Variants in TNFAIP8 observed in about 807,000 individuals in gnomAD.
TNFAIP8 encodes the protein tumor necrosis factor alpha-induced protein 8.
TNFAIP8 carries 7 observed loss-of-function variants against 13.3 expected under a neutral mutation model. The ratio of observed to expected loss-of-function variants is 0.52; its 90% CI spans 0.30 to 0.99. TNFAIP8 has a LOEUF of 0.99. Among genes scored for constraint, TNFAIP8 ranks in the 50% least tolerant of loss-of-function variants. TNFAIP8 has a pLI of 0.07. For synonymous variants in TNFAIP8, 94 were observed against 87.6 expected (o/e 1.07, Z -0.41); for missense variants, 258 against 236.9 (o/e 1.09, Z -0.58).
chr5:119,281,261 G>T lies in TNFAIP8; in HGVS notation c.1+12354G>T, dbSNP rs192279763. On this transcript the variant is annotated intron_variant, in intron 1 of 1. Transcript: ENST00000274456. ...GGTTAGTATTTATAGGCCTTTCCTC[G>T]GTCAGAGCTGGGAAACACACACACA... is the stretch of plus-strand genomic sequence containing the variant. Among the ~76,000 whole-genome samples, 320 of 56,190 alleles carry T rather than the reference G, an allele frequency of 5.7e-3. 3 individuals are homozygous for T. The highest frequency in any genetic ancestry group is 0.014 in the African/African-American group (295 of 20,418). The allele number at this position is 56,190 out of a possible 152,430, so 36.9% of individuals were successfully genotyped here. A position where few individuals can be genotyped will look rare whatever the true frequency, so the allele number is the denominator to read the frequency against.
intron 1 of TNFAIP8, among the ~76,000 whole-genome samples, chr5:119,366,886 C>A (rs1264575168): frequency 6.6e-6 from 1 of 152,172 alleles, no homozygotes; most frequent in Non-Finnish European, 1.5e-5. Flanking sequence ...CCTGTCCTTG[C>A]CACCTACCTA....
At position 119,396,042 on chromosome 5, in the gene TNFAIP8, A is replaced by G. The variant is rs1753064871; in HGVS notation, c.*2661A>G. 1.3e-5 allele frequency: 2 copies of G among 152,210 alleles called. No homozygotes were observed. Among genetic ancestry groups the G allele is most frequent in the South Asian group, 4.1e-4 (2 of 4,830 alleles). The allele number at this position is 152,210 out of a possible 1,614,324, so 9.4% of individuals were successfully genotyped here. On this transcript the variant is annotated 3_prime_UTR_variant, in exon 2 of 2. Transcript: ENST00000504771. ...GCACATTAACTCATTTAATTCTGCC[A>G]CAATCTTCACCATCTTATAGATAAG...
chr5:119,289,680 A>G (rs923653952), intron 1 of TNFAIP8, among the ~76,000 whole-genome samples: 7 of 152,146 alleles, frequency 4.6e-5, no homozygotes, highest in Non-Finnish European at 1.0e-4. Context: ...TCCTGTTCCC[A>G]TCACTAATTC....
chr5:119,370,541 G>A (rs1412582336), intron 1 of TNFAIP8, among the ~76,000 whole-genome samples: 1 of 152,174 alleles, frequency 6.6e-6, no homozygotes, highest in African/African-American at 2.4e-5. Flanking sequence ...ATAAAGGCAA[G>A]CTATTAGTCA....
chr5:119,365,874 A>C (rs2112799777), intron 1 of TNFAIP8, among the ~76,000 whole-genome samples: 1 of 152,310 alleles, frequency 6.6e-6, no homozygotes, highest in African/African-American at 2.4e-5. Flanking sequence ...TCCAAGAGGT[A>C]GACAGAATTC....
intron 1 of TNFAIP8, among the ~76,000 whole-genome samples, chr5:119,366,709 G>T (rs979406335): frequency 5.3e-5 from 8 of 152,128 alleles, no homozygotes; most frequent in Non-Finnish European, 1.2e-4. Context: ...AACTTCGGGG[G>T]GTTTCCCTCA....
chr5:119,386,515 G>GTGTTTTGTTT (rs3033647), intron 1 of TNFAIP8, among the ~76,000 whole-genome samples: 2,409 of 151,044 alleles, frequency 0.016, 24 homozygotes, highest in Admixed American at 0.022. Context: ...AAAGAACCCA[G>GTGTTTTGTTT]TGTTTTGTTT....
At chr5:119,278,286 C>A (rs1015057446) in intron 1 of TNFAIP8, among the ~76,000 whole-genome samples, 2 of 150,150 alleles carry the variant, frequency 1.3e-5, no homozygotes, top group Non-Finnish European at 2.9e-5. Context: ...TCTTTGTGGG[C>A]GGAAATAGCT....
chr5:119,285,341 A>G (rs968354216), intron 1 of TNFAIP8, among the ~76,000 whole-genome samples: 3 of 152,168 alleles, frequency 2.0e-5, no homozygotes, highest in Admixed American at 1.3e-4. Context: ...CATTTTAAGC[A>G]TGGGAACCAG....
In TNFAIP8 at chr5:119,334,624, CGTGTGTGT is replaced by C. The variant is rs59714206; in HGVS notation, c.2-58163_2-58156del. 7.4e-4 allele frequency among the ~76,000 whole-genome samples: 100 copies of C among 135,798 alleles called. 1 individual carries two copies. Among genetic ancestry groups the C allele is most frequent in the Middle Eastern group, 3.5e-3 (1 of 288 alleles). 89.1% of individuals were successfully genotyped at this position (135,798 alleles called of 152,430 possible). A position where few individuals can be genotyped will look rare whatever the true frequency, so the allele number is the denominator to read the frequency against. On this transcript the variant is annotated intron_variant, in intron 1 of 1. Transcript: ENST00000274456. ...CCTAGAGCTGTGCATGTGATCCTTT[CGTGTGTGT>C]GTGTGTGTGTGTGTGTGTGTGTGTG... is the stretch of plus-strand genomic sequence containing the variant.
chr5:119,388,792 C>G (rs1033351041), intron 1 of TNFAIP8, among the ~76,000 whole-genome samples: 1 of 145,550 alleles, frequency 6.9e-6, no homozygotes, highest in African/African-American at 2.6e-5. Context: ...GACTACATGC[C>G]CAGCTATTTT....
At position 119,392,913 on chromosome 5, in the gene TNFAIP8, A is replaced by G; in HGVS notation, c.129A>G (p.Ile43Met). The change falls in exon 2 of 2, where the codon ATA becomes ATG. Residue 43 changes from isoleucine to methionine, a missense_variant. Physicochemically the swap from Ile to Met is conservative, Grantham distance 10. Transcript: ENST00000504771. ...MVSKSIATTL[I>M]DDTSSEVLDE... Reference sequence around the variant, plus strand: ...CCAAATCCATCGCCACCACCTTAATAGACGACACAAGTAGTGAGGTGCTGG... The same window carrying G: ...CCAAATCCATCGCCACCACCTTAATGGACGACACAAGTAGTGAGGTGCTGG... The G allele has an allele frequency of 5.0e-6, 8 of 1,601,328 alleles. No individual in the cohort carries two copies. The highest frequency in any genetic ancestry group is 6.8e-6 in the Non-Finnish European group (8 of 1,173,886).
intron 1 of TNFAIP8, among the ~76,000 whole-genome samples, chr5:119,350,294 G>A (rs748428183): frequency 2.6e-5 from 4 of 152,206 alleles, no homozygotes; most frequent in Non-Finnish European, 4.4e-5. Flanking sequence ...GAAGTGCTAT[G>A]TAGCCATTGT....
intron 1 of TNFAIP8, among the ~76,000 whole-genome samples, chr5:119,375,369 G>T (rs1293475939): frequency 1.3e-5 from 2 of 152,194 alleles, no homozygotes. Flanking sequence ...TAACGAGTGA[G>T]TAGGTGAAAA....
At chr5:119,362,368 A>G (rs1015263463) in intron 1 of TNFAIP8, among the ~76,000 whole-genome samples, 3 of 152,306 alleles carry the variant, frequency 2.0e-5, no homozygotes, top group Admixed American at 2.0e-4. Context: ...GGACTTTCCC[A>G]GGGGGACATT....
chr5:119,330,797 G>A (rs1750353573), intron 1 of TNFAIP8, among the ~76,000 whole-genome samples: 1 of 152,068 alleles, frequency 6.6e-6, no homozygotes, highest in Non-Finnish European at 1.5e-5. Context: ...ACCAGATAAG[G>A]TGGCCGCAGA....
intron 1 of TNFAIP8, among the ~76,000 whole-genome samples, chr5:119,361,669 G>T (rs1751642333): frequency 6.6e-6 from 1 of 152,234 alleles, no homozygotes; most frequent in African/African-American, 2.4e-5. Flanking sequence ...TGACTGTCAA[G>T]AAGTGAATAA....
In TNFAIP8 at chr5:119,380,443, G is replaced by A. The variant is rs367795353; in HGVS notation, c.32-12373G>A. Among the ~76,000 whole-genome samples, 146 of 152,296 alleles carry A rather than the reference G, an allele frequency of 9.6e-4. 1 individual carries two copies. The highest frequency in any genetic ancestry group is 3.2e-3 in the African/African-American group (135 of 41,550). ...CAAGAGTCAGGGCCTCTGGCAGGAC[G>A]GGAGAATTTAGGGATGGAAAAGTGT... On this transcript the variant is annotated intron_variant, in intron 1 of 1. Coordinates refer to ENST00000504771, the MANE Select transcript of TNFAIP8 (RefSeq NM_014350.4).
chr5:119,318,858 A>G (rs961514330), intron 1 of TNFAIP8, among the ~76,000 whole-genome samples: 2 of 152,150 alleles, frequency 1.3e-5, no homozygotes, highest in African/African-American at 4.8e-5. Flanking sequence ...AGCCTATTAT[A>G]GGGTTATTTG....
Sources: allele counts gnomAD v4.1 joint callset (sites outside exome capture counted in the v4.1 genomes callset), GRCh38; gene constraint gnomAD v4.1.1; transcripts MANE v1.5; gene names NCBI Gene and HGNC (gene_info 2026-07-23, HGNC 2026-07-21).